HTRA3: variants seen among roughly 807,000 people sequenced by gnomAD.
The protein encoded by HTRA3 is HtrA serine peptidase 3.
In HTRA3, 41 loss-of-function variants were observed where a neutral mutation model predicts 43.2. The ratio of observed to expected loss-of-function variants is 0.95; its 90% CI spans 0.74 to 1.23. HTRA3 has a LOEUF of 1.23. Among genes scored for constraint, HTRA3 ranks in the 50% most tolerant of loss-of-function variants. The pLI, the probability that HTRA3 is intolerant of heterozygous loss-of-function variation, is 0.00. For synonymous variants in HTRA3, 295 were observed against 287.9 expected, an observed-to-expected ratio of 1.02 and a Z score of -0.25; for missense variants, 628 against 647.1, an observed-to-expected ratio of 0.97 and a Z score of 0.32.
intron 2 of HTRA3, among the ~76,000 whole-genome samples, chr4:8,284,088 TG>T (rs570031355): frequency 1.4e-3 from 208 of 152,286 alleles, no homozygotes; most frequent in African/African-American, 4.5e-3. Context: ...CCCTGGGCTG[TG>T]GGCTGTGTAG....
intron 3 of HTRA3, among the ~76,000 whole-genome samples, chr4:8,289,031 C>T (rs757069686): frequency 9.9e-5 from 15 of 151,412 alleles, no homozygotes; most frequent in East Asian, 1.9e-4. Flanking sequence ...CTCACTGCAG[C>T]GTCAAACTCC....
intron 3 of HTRA3, among the ~76,000 whole-genome samples, chr4:8,289,417 G>A (rs1478406360): frequency 1.3e-5 from 2 of 152,358 alleles, no homozygotes; most frequent in East Asian, 1.9e-4. Flanking sequence ...AATGGACAGC[G>A]TTTGGGCCTT....
At position 8,296,599 on chromosome 4, in the gene HTRA3, G is replaced by C. The variant is rs535415303; in HGVS notation, c.1051+2398G>C. ...GCCTCTGAGGGGCTTTCAGGGTAAA[G>C]AGTGGCCACCATGCATGTTGGGGGA... On this transcript the variant is annotated intron_variant, in intron 6 of 8. Transcript: ENST00000307358. The surrounding 1 kb of genome is among the most constrained non-coding windows in gnomAD (Gnocchi z 5.3). 6 of 900,572 alleles carry C rather than the reference G, an allele frequency of 6.7e-6. No homozygotes were observed. Among genetic ancestry groups the C allele is most frequent in the Non-Finnish European group, 8.0e-6 (6 of 752,728 alleles). The allele number at this position is 900,572 out of a possible 1,614,324, so 55.8% of individuals were successfully genotyped here.
chr4:8,291,682 T>A lies in HTRA3; in HGVS notation c.903+118T>A, dbSNP rs531284492. 2.0e-4 allele frequency: 139 copies of A among 699,334 alleles called. No homozygotes were observed. In the African/African-American group the frequency reaches 2.4e-3, roughly 12 times the overall value. The allele number at this position is 699,334 out of a possible 1,614,324, so 43.3% of individuals were successfully genotyped here. A position where few individuals can be genotyped will look rare whatever the true frequency, so the allele number is the denominator to read the frequency against. ...CAGAGCCATTCTGGCACTCGACACA[T>A]CCACTTGCTAGAAAGTTCTCTCTTT... On this transcript the variant is annotated intron_variant, in intron 4 of 8. Coordinates refer to ENST00000307358, the MANE Select transcript of HTRA3 (RefSeq NM_053044.5).
At position 8,306,854 on chromosome 4, in the gene HTRA3, C is replaced by A. The variant is rs984622789; in HGVS notation, c.*718C>A. On this transcript the variant is annotated 3_prime_UTR_variant, in exon 9 of 9. Transcript: ENST00000307358. This position sits in a 1 kb window ranked among gnomAD's most constrained non-coding sequence, Gnocchi z 8.9. ...CGGCCATGGGGCAGCCTGCAGAGGACAGTGGACGTGGAGCTGCGGGGTGTG... is the reference window on the plus strand; with the variant it reads ...CGGCCATGGGGCAGCCTGCAGAGGAAAGTGGACGTGGAGCTGCGGGGTGTG... 1.3e-5 allele frequency: 2 copies of A among 152,678 alleles called. No homozygotes were observed. Among genetic ancestry groups the A allele is most frequent in the African/African-American group, 4.8e-5 (2 of 41,452 alleles). The allele number at this position is 152,678 out of a possible 1,614,324, so 9.5% of individuals were successfully genotyped here.
intron 6 of HTRA3, among the ~76,000 whole-genome samples, chr4:8,299,292 TAAGAG>T (rs1349756936): frequency 1.3e-5 from 2 of 152,234 alleles, no homozygotes; most frequent in African/African-American, 2.4e-5. Flanking sequence ...GCTGGTTGGT[TAAGAG>T]AATATTCAAA....
chr4:8,286,727 A>G lies in HTRA3; in HGVS notation c.652A>G (p.Thr218Ala). Reference sequence around the variant, plus strand: ...ACAGAATGGGGACTCCTATGAGGCCACCATCAAAGACATCGACAAGAAGTC... The same window carrying G: ...ACAGAATGGGGACTCCTATGAGGCCGCCATCAAAGACATCGACAAGAAGTC... Reference protein sequence around the residue: ...QLQNGDSYEATIKDIDKKSDI... With the variant: ...QLQNGDSYEAAIKDIDKKSDI... The change falls in exon 3 of 9, where the codon ACC becomes GCC. Residue 218 changes from threonine (T) to alanine (A), a missense_variant. Physicochemically the swap from Thr to Ala is moderately conservative, Grantham distance 58 (BLOSUM62 0). Transcript: ENST00000307358. This position sits in a 1 kb window ranked among gnomAD's most constrained non-coding sequence, Gnocchi z 4.9. 1 of 1,614,142 alleles carries G rather than the reference A, an allele frequency of 6.2e-7. No individual in the cohort carries two copies. Among genetic ancestry groups the G allele is most frequent in the Non-Finnish European group, 8.5e-7 (1 of 1,180,028 alleles).
At chr4:8,300,915 TTTA>T (rs1256503966) in intron 6 of HTRA3, among the ~76,000 whole-genome samples, 3 of 151,976 alleles carry the variant, frequency 2.0e-5, no homozygotes, top group Non-Finnish European at 2.9e-5. Flanking sequence ...CACTCTCAGC[TTTA>T]TTATTGATCC....
rs1176598798 is a variant in HTRA3, at chr4:8,294,210, C to T, written c.1051+9C>T. 3.1e-6 allele frequency: 5 copies of T among 1,592,608 alleles called. No homozygotes were observed. The highest frequency in any genetic ancestry group is 4.3e-6 in the Non-Finnish European group (5 of 1,163,450). On this transcript the variant is annotated intron_variant, in intron 6 of 8. Coordinates refer to ENST00000307358, the MANE Select transcript of HTRA3 (RefSeq NM_053044.5). ...AGACAAGCAGATCAAAGGTAAAGAG[C>T]TCACCTGGAGGGGGCCAGAGGCAGG...
chr4:8,288,902 C>CTTCCTTCCTTCCTTCT (rs1408394488), intron 3 of HTRA3, among the ~76,000 whole-genome samples: 1 of 143,256 alleles, frequency 7.0e-6, no homozygotes, highest in African/African-American at 2.6e-5. Context: ...TCCGTCCGTC[C>CTTCCTTCCTTCCTTCT]TTCCTTCCTT....
At chr4:8,280,322 T>C (rs550282889) in intron 1 of HTRA3, among the ~76,000 whole-genome samples, 1 of 152,216 alleles carries the variant, frequency 6.6e-6, no homozygotes. Flanking sequence ...GAGGAGGGCC[T>C]GGGCCTGGGG....
At position 8,295,913 on chromosome 4, in the gene HTRA3, G is replaced by A. The variant is rs1713437966; in HGVS notation, c.1051+1712G>A. On this transcript the variant is annotated intron_variant, in intron 6 of 8. Coordinates refer to ENST00000307358, the MANE Select transcript of HTRA3 (RefSeq NM_053044.5). The surrounding 1 kb of genome is among the most constrained non-coding windows in gnomAD (Gnocchi z 6.9). ...GGCAGAGCCTGTCTTTCCCAAAGAA[G>A]CTGAAGTCTTCTTCTCTTGAACAGT... 8.1e-7 allele frequency: 1 copy of A among 1,231,842 alleles called. No individual in the cohort carries two copies. Among genetic ancestry groups the A allele is most frequent in the African/African-American group, 1.5e-5 (1 of 64,560 alleles). 76.3% of individuals were successfully genotyped at this position (1,231,842 alleles called of 1,614,324 possible).
intron 5 of HTRA3, among the ~76,000 whole-genome samples, chr4:8,292,907 A>G (rs1713304008): frequency 1.3e-5 from 2 of 152,192 alleles, no homozygotes; most frequent in Admixed American, 6.5e-5. Context: ...CACATGAGAT[A>G]GCTCTGGAGG....
intron 6 of HTRA3, among the ~76,000 whole-genome samples, chr4:8,299,632 G>A (rs1169904671): frequency 6.6e-6 from 1 of 152,110 alleles, no homozygotes; most frequent in Non-Finnish European, 1.5e-5. Context: ...TCCTTTCTCA[G>A]GTTGAAAAGT....
chr4:8,286,862 G>T lies in HTRA3; in HGVS notation c.708+79G>T. ...TCTTCCCAGACGCCGGAACCCAGAG[G>T]CAAGCTAGCCCCACCTTCCATCAGC... On this transcript the variant is annotated intron_variant, in intron 3 of 8. Coordinates refer to ENST00000307358, the MANE Select transcript of HTRA3 (RefSeq NM_053044.5). This position sits in a 1 kb window ranked among gnomAD's most constrained non-coding sequence, Gnocchi z 4.9. 1.9e-6 allele frequency: 2 copies of T among 1,077,924 alleles called. No individual in the cohort carries two copies. Among genetic ancestry groups the T allele is most frequent in the South Asian group, 3.0e-5 (2 of 67,104 alleles). The allele number at this position is 1,077,924 out of a possible 1,614,324, so 66.8% of individuals were successfully genotyped here.
chr4:8,296,088 C>T lies in HTRA3; in HGVS notation c.1051+1887C>T. On this transcript the variant is annotated intron_variant, in intron 6 of 8. Transcript: ENST00000307358. This position sits in a 1 kb window ranked among gnomAD's most constrained non-coding sequence, Gnocchi z 5.3. ...GAATTATCCCATTCTCCATGGGTGCCTTTGACTTTGGCCTCCTTACTGGAA... is the reference window on the plus strand; with the variant it reads ...GAATTATCCCATTCTCCATGGGTGCTTTTGACTTTGGCCTCCTTACTGGAA... 1 of 1,036,706 alleles carries T rather than the reference C, an allele frequency of 9.6e-7. No homozygotes were observed. Among genetic ancestry groups the T allele is most frequent in the Non-Finnish European group, 1.2e-6 (1 of 863,988 alleles). 64.2% of individuals were successfully genotyped at this position (1,036,706 alleles called of 1,614,324 possible).
Position 8,270,102 on chromosome 4 carries a change from C to A in HTRA3, c.134C>A (p.Pro45His). 6.5e-7 allele frequency: 1 copy of A among 1,540,022 alleles called. No homozygotes were observed. The highest frequency in any genetic ancestry group is 1.2e-5 in the South Asian group (1 of 85,000). ...PSPRCPGGYV[P>H]DLCNCCLVCA... ...CCCCGCTGCCCCGGCGGCTACGTGC[C>A]CGACCTCTGCAACTGCTGCCTGGTG... Residue 45 changes from proline to histidine, a missense_variant, in exon 1 of 9, where the codon CCC becomes CAC. By Grantham distance (77) the Pro-to-His change is moderately conservative. Coordinates refer to ENST00000307358, the MANE Select transcript of HTRA3 (RefSeq NM_053044.5).
At chr4:8,294,223 G>A (rs1172657356) in intron 6 of HTRA3, 22 bp downstream of exon 6, 2 of 1,549,906 alleles carry the variant, frequency 1.3e-6, no homozygotes, top group South Asian at 2.3e-5. Context: ...ACCTGGAGGG[G>A]GCCAGAGGCA....
chr4:8,270,823 G>C (rs1263669736), intron 1 of HTRA3, among the ~76,000 whole-genome samples: 1 of 152,176 alleles, frequency 6.6e-6, no homozygotes, highest in African/African-American at 2.4e-5. Flanking sequence ...CAGGGTGCAG[G>C]TCCCTGAACT....
Sources: allele counts gnomAD v4.1 joint callset (sites outside exome capture counted in the v4.1 genomes callset), GRCh38; gene constraint gnomAD v4.1.1; non-coding constraint Gnocchi (gnomAD v3.1); transcripts MANE v1.5; gene names NCBI Gene and HGNC (gene_info 2026-07-23, HGNC 2026-07-21).